The following NSRP1 variants were observed in gnomAD, a reference collection of about 807,000 sequenced individuals.
NSRP1 encodes nuclear speckle splicing regulatory protein 1, also known as coiled-coil domain containing 55.
A neutral mutation model predicts 54.7 loss-of-function variants in NSRP1; 24 were observed. The ratio of observed to expected loss-of-function variants is 0.44; its 90% CI spans 0.32 to 0.62. The LOEUF (loss-of-function observed/expected upper bound fraction) is 0.62. Among genes scored for constraint, NSRP1 ranks in the 20% least tolerant of loss-of-function variants. The probability of loss-of-function intolerance (pLI) is 0.06; values close to 1 mark genes in which losing one functional copy is unlikely to be tolerated. For synonymous variants in NSRP1, 210 were observed against 213.8 expected (o/e 0.98, Z 0.15); for missense variants, 596 against 651.2 (o/e 0.92, Z 0.92).
Position 30,117,990 on chromosome 17 carries a change from T to C in NSRP1, c.21-90T>C, listed in dbSNP as rs998472964. On this transcript the variant is annotated intron_variant, in intron 1 of 6. Transcript: ENST00000247026. ...CATAAAGCTTATGACATGTTTTGATTTGGTAGCTTCATGTGGAAGAGGTAG... is the reference window on the plus strand; with the variant it reads ...CATAAAGCTTATGACATGTTTTGATCTGGTAGCTTCATGTGGAAGAGGTAG... The C allele has an allele frequency of 3.0e-6, 3 of 1,016,566 alleles. No individual in the cohort carries two copies. In the East Asian group the frequency reaches 7.2e-5, roughly 24 times the overall value. 63.0% of individuals were successfully genotyped at this position (1,016,566 alleles called of 1,614,324 possible).
intron 2 of NSRP1, 46 bp from the exon 3 acceptor site, chr17:30,172,496 A>T (rs772298761): frequency 1.3e-6 from 2 of 1,518,616 alleles, no homozygotes; most frequent in Non-Finnish European, 1.8e-6. Context: ...CTGGAAAAGA[A>T]ATTTTAAATT....
At chr17:30,173,429 T>C (rs926895173) in intron 3 of NSRP1, among the ~76,000 whole-genome samples, 6 of 152,148 alleles carry the variant, frequency 3.9e-5, no homozygotes, top group African/African-American at 1.2e-4. Flanking sequence ...GGCCTGAAGG[T>C]TTACTAATTT....
intron 2 of NSRP1, among the ~76,000 whole-genome samples, chr17:30,149,006 A>G (rs181663452): frequency 3.9e-5 from 6 of 152,070 alleles, no homozygotes; most frequent in Admixed American, 6.6e-5. Context: ...TATTTTGTCA[A>G]TCTTCCTAAG....
chr17:30,184,597 T>C lies in NSRP1; in HGVS notation c.618-18T>C, dbSNP rs1288006086. 2.6e-6 allele frequency: 4 copies of C among 1,525,796 alleles called. No individual in the cohort carries two copies. The allele number at this position is 1,525,796 out of a possible 1,614,324, so 94.5% of individuals were successfully genotyped here. A position where few individuals can be genotyped will look rare whatever the true frequency, so the allele number is the denominator to read the frequency against. On this transcript the variant is annotated intron_variant, in intron 6 of 6. Transcript: ENST00000247026. The stretch of plus-strand genomic sequence containing the variant: ...ATGTGGCATTTTTTTCTGCCCTTTT[T>C]TGTTTTTTGTTTCTAAGATCTGGTA...
chr17:30,177,370 C>A (rs1905160347), intron 3 of NSRP1, among the ~76,000 whole-genome samples: 1 of 110,674 alleles, frequency 9.0e-6, no homozygotes, highest in South Asian at 3.1e-4. Flanking sequence ...GAGACCCCAT[C>A]GCTTTAAAAA....
In NSRP1 at chr17:30,171,065, AT is replaced by A. The variant is rs544120047; in HGVS notation, c.115-1468del. On this transcript the variant is annotated intron_variant, in intron 2 of 6. Transcript: ENST00000247026. ...TTAAGGAAACATATTTTTCTTAAGTATTTTTTTTTCTTAGCTGTATGTAATC... is the reference window on the plus strand; with the variant it reads ...TTAAGGAAACATATTTTTCTTAAGTATTTTTTTTCTTAGCTGTATGTAATC... Among the ~76,000 whole-genome samples the A allele has an allele frequency of 6.0e-5, 9 of 151,020 alleles. No homozygotes were observed. In the South Asian group the frequency reaches 1.3e-3, roughly 21 times the overall value.
chr17:30,150,734 C>G (rs2071901061), intron 2 of NSRP1: 1 of 122,996 alleles, frequency 8.1e-6, no homozygotes, highest in Non-Finnish European at 1.6e-5. Context: ...GTCACCCAGG[C>G]TGGAGTTCAA....
At chr17:30,141,728 C>T (rs976178205) in intron 2 of NSRP1, among the ~76,000 whole-genome samples, 5 of 152,114 alleles carry the variant, frequency 3.3e-5, no homozygotes, top group African/African-American at 1.2e-4. Context: ...ATCGGCTGGG[C>T]GCAGTGGCTC....
chr17:30,117,289 C>T, intron 1 of NSRP1: 2 of 585,766 alleles, frequency 3.4e-6, no homozygotes, highest in South Asian at 2.1e-5. Context: ...CCCGCCCTTC[C>T]TTCTCGTTTT....
intron 1 of NSRP1, chr17:30,117,085 G>A: frequency 2.6e-6 from 2 of 768,762 alleles, no homozygotes; most frequent in Non-Finnish European, 2.4e-6. Flanking sequence ...GGAAATAAAG[G>A]AAGTTAGGCT....
At position 30,157,695 on chromosome 17, in the gene NSRP1, A is replaced by G. The variant is rs117112300; in HGVS notation, c.115-14847A>G. On this transcript the variant is annotated intron_variant, in intron 2 of 6. Transcript: ENST00000247026. ...CTCCCCTTCCCAGTCTCTGTTATCT[A>G]TTGTTCTATACTCTATGTCCATGAG... Among the ~76,000 whole-genome samples the G allele has an allele frequency of 5.4e-3, 821 of 151,534 alleles. 7 individuals are homozygous for G. Among genetic ancestry groups the G allele is most frequent in the Middle Eastern group, 0.01 (3 of 294 alleles).
chr17:30,148,881 A>G (rs1033825859), intron 2 of NSRP1, among the ~76,000 whole-genome samples: 1 of 152,178 alleles, frequency 6.6e-6, no homozygotes, highest in African/African-American at 2.4e-5. Flanking sequence ...TAATCTTGCC[A>G]AAAGTTTGTC....
rs1303104529 is a variant in NSRP1, at chr17:30,186,334, A to C, written c.*660A>C. ...TTTTGTTGCAGGAAATGTATTTCAG[A>C]TAAAATATGGATTTGAAAAACAGAA... is the stretch of plus-strand genomic sequence containing the variant. On this transcript the variant is annotated 3_prime_UTR_variant, in exon 7 of 7. Transcript: ENST00000247026. The C allele has an allele frequency of 1.3e-5, 2 of 152,236 alleles. No individual in the cohort carries two copies. The highest frequency in any genetic ancestry group is 4.8e-5 in the African/African-American group (2 of 41,468). 9.4% of individuals were successfully genotyped at this position (152,236 alleles called of 1,614,324 possible).
chr17:30,169,352 A>T (rs954590623), intron 2 of NSRP1, among the ~76,000 whole-genome samples: 1 of 152,084 alleles, frequency 6.6e-6, no homozygotes, highest in South Asian at 2.1e-4. Context: ...AGACTGAAGG[A>T]GGAGATAGGA....
Position 30,160,993 on chromosome 17 carries a change from A to T in NSRP1, c.115-11549A>T, listed in dbSNP as rs554082899. Among the ~76,000 whole-genome samples, 8 of 152,332 alleles carry T rather than the reference A, an allele frequency of 5.3e-5. No homozygotes were observed. The South Asian group carries it at 1.7e-3, about 32-fold the overall frequency. ...AATAAAAGACAGCCTTACTTTGAGA[A>T]GACCATAAACGGGTGAATGGATAAA... On this transcript the variant is annotated intron_variant, in intron 2 of 6. Transcript: ENST00000247026.
intron 2 of NSRP1, among the ~76,000 whole-genome samples, chr17:30,142,356 T>C (rs1259704968): frequency 6.6e-6 from 1 of 152,178 alleles, no homozygotes; most frequent in African/African-American, 2.4e-5. Context: ...GGGTGGGTTT[T>C]GCTTTGTTGC....
At chr17:30,162,170 G>A (rs542146007) in intron 2 of NSRP1, among the ~76,000 whole-genome samples, 37 of 151,908 alleles carry the variant, frequency 2.4e-4, no homozygotes, top group African/African-American at 6.8e-4. Context: ...GACTACAGGC[G>A]CGTGCCACCA....
chr17:30,163,707 A>C (rs1479257173), intron 2 of NSRP1, among the ~76,000 whole-genome samples: 1 of 106,196 alleles, frequency 9.4e-6, no homozygotes, highest in African/African-American at 3.4e-5. Context: ...TTTTTGAGAT[A>C]GTCTCCCTCT....
intron 2 of NSRP1, among the ~76,000 whole-genome samples, chr17:30,139,640 T>C (rs1232281434): frequency 6.6e-6 from 1 of 152,054 alleles, no homozygotes; most frequent in African/African-American, 2.4e-5. Flanking sequence ...TTTTTTCCTC[T>C]AAAACAATGG....
Sources: allele counts gnomAD v4.1 joint callset (sites outside exome capture counted in the v4.1 genomes callset), GRCh38; gene constraint gnomAD v4.1.1; transcripts MANE v1.5; gene names NCBI Gene and HGNC (gene_info 2026-07-23, HGNC 2026-07-21).